MEGF10: variants seen among roughly 807,000 people sequenced by gnomAD.
MEGF10 encodes multiple EGF like domains 10, also known as multiple epidermal growth factor-like domains protein 10.
MEGF10 carries 86 observed loss-of-function variants against 147.5 expected under a neutral mutation model. The observed-to-expected ratio is 0.58, with a 90% confidence interval of 0.49 to 0.70. The LOEUF (loss-of-function observed/expected upper bound fraction) is 0.70, where lower values mean the gene tolerates loss of function less well. MEGF10 is among the 30% of genes least tolerant of loss of function. MEGF10 has a pLI of 0.00. For synonymous variants in MEGF10, 478 were observed against 525.5 expected (o/e 0.91, Z 1.24); for missense variants, 1,329 against 1,487.3 (o/e 0.89, Z 1.75).
At chr5:127,238,011 CAG>C in the MEGF10 span, among the ~76,000 whole-genome samples, 1 of 148,066 alleles carries the variant, frequency 6.8e-6, no homozygotes. Flanking sequence ...ATGTTTTTAA[CAG>C]GGTATAAACT....
the MEGF10 span, among the ~76,000 whole-genome samples, chr5:127,271,353 G>A: frequency 6.6e-6 from 1 of 151,474 alleles, no homozygotes; most frequent in African/African-American, 2.4e-5. Context: ...CCACATGTAT[G>A]TCTTCTTTTC....
At chr5:127,379,064 C>CTTTT (rs35798578) in intron 5 of MEGF10, among the ~76,000 whole-genome samples, 1 of 121,474 alleles carries the variant, frequency 8.2e-6, no homozygotes, top group African/African-American at 3.0e-5. Flanking sequence ...ATTGATTTTT[C>CTTTT]TTTTTTTTTT....
At chr5:127,244,232 A>G in the MEGF10 span, among the ~76,000 whole-genome samples, 4 of 150,324 alleles carry the variant, frequency 2.7e-5, no homozygotes, top group Non-Finnish European at 5.9e-5. Context: ...TCCAGAATGT[A>G]GGGCATAAAT....
chr5:127,417,944 A>G (rs1764839718), intron 10 of MEGF10, 132 bp downstream of exon 10: 1 of 934,650 alleles, frequency 1.1e-6, no homozygotes, highest in Non-Finnish European at 1.5e-6. Context: ...AGAGAGAGAG[A>G]AAATGAGGGG....
At chr5:127,382,574 T>A (rs1042759589) in intron 5 of MEGF10, among the ~76,000 whole-genome samples, 5 of 152,210 alleles carry the variant, frequency 3.3e-5, no homozygotes, top group Admixed American at 6.5e-5. Context: ...GATTTATCCA[T>A]GCCTTAAATT....
At chr5:127,391,587 A>G (rs372791320) in intron 5 of MEGF10, among the ~76,000 whole-genome samples, 15 of 151,720 alleles carry the variant, frequency 9.9e-5, no homozygotes, top group South Asian at 2.1e-4. Flanking sequence ...AAAAAAAAAA[A>G]AGAGAGTGCT....
At chr5:127,435,213 C>A in intron 15 of MEGF10, 148 bp from the exon 16 acceptor site, 1 of 910,764 alleles carries the variant, frequency 1.1e-6, no homozygotes, top group Non-Finnish European at 1.6e-6. Context: ...AAAATGAGCC[C>A]ATTCAAGATG....
chr5:127,306,925 A>G (rs1025243558), intron 1 of MEGF10, among the ~76,000 whole-genome samples: 3 of 152,168 alleles, frequency 2.0e-5, no homozygotes, highest in African/African-American at 7.2e-5. Context: ...CTGCTTTTAG[A>G]ATTGCATTAA....
At chr5:127,299,307 G>T (rs144768865) in intron 1 of MEGF10, among the ~76,000 whole-genome samples, 124 of 152,260 alleles carry the variant, frequency 8.1e-4, no homozygotes, top group African/African-American at 2.5e-3. Flanking sequence ...TTCCCTTCCA[G>T]ATCTAGATAG....
intron 1 of MEGF10, among the ~76,000 whole-genome samples, chr5:127,316,140 C>A (rs781525675): frequency 6.6e-6 from 1 of 152,222 alleles, no homozygotes; most frequent in Non-Finnish European, 1.5e-5. Flanking sequence ...TGCCATTGCA[C>A]CTTTGCTCTG....
intron 13 of MEGF10, among the ~76,000 whole-genome samples, chr5:127,430,560 C>G (rs1765358422): frequency 6.6e-6 from 1 of 152,194 alleles, no homozygotes; most frequent in Admixed American, 6.5e-5. Flanking sequence ...TTCTTAGGCT[C>G]TTAGAATGCA....
Position 127,396,554 on chromosome 5 carries a change from T to TC in MEGF10, c.439dup (p.His147ProfsTer37). The TC allele has an allele frequency of 6.4e-7, 1 of 1,566,748 alleles. No homozygotes were observed. Among genetic ancestry groups the TC allele is most frequent in the Non-Finnish European group, 8.7e-7 (1 of 1,152,650 alleles). ...CAGCCTGCGATGGTGATCACTGGGG[T>TC]CCCCACTGCACCAGCCGGTGCCAGT... is the stretch of plus-strand genomic sequence containing the variant. On this transcript the variant is annotated frameshift_variant, in exon 6 of 25. Coordinates refer to ENST00000503335, the MANE Select transcript of MEGF10 (RefSeq NM_001256545.2). LOFTEE classifies it high-confidence loss of function.
chr5:127,260,323 T>C, the MEGF10 span, among the ~76,000 whole-genome samples: 6 of 152,160 alleles, frequency 3.9e-5, no homozygotes, highest in Non-Finnish European at 7.3e-5. Context: ...CCTGTCACCT[T>C]TGTTCTTAAG....
At chr5:127,400,160 A>G (rs764742388) in intron 7 of MEGF10, among the ~76,000 whole-genome samples, 19 of 152,204 alleles carry the variant, frequency 1.2e-4, no homozygotes, top group Non-Finnish European at 2.5e-4. Flanking sequence ...TGGGACAAGT[A>G]TACAATAAAA....
At chr5:127,382,717 T>C (rs201929680) in intron 5 of MEGF10, among the ~76,000 whole-genome samples, 3 of 152,166 alleles carry the variant, frequency 2.0e-5, no homozygotes, top group East Asian at 3.8e-4. Context: ...CAAATGATTA[T>C]TTATAAAATA....
At chr5:127,277,064 A>G in the MEGF10 span, among the ~76,000 whole-genome samples, 11 of 152,196 alleles carry the variant, frequency 7.2e-5, no homozygotes, top group Non-Finnish European at 1.3e-4. Context: ...TGAAGTATAG[A>G]GCAAGAGGAG....
At chr5:127,273,527 A>C in the MEGF10 span, among the ~76,000 whole-genome samples, 1 of 152,178 alleles carries the variant, frequency 6.6e-6, no homozygotes, top group Non-Finnish European at 1.5e-5. Flanking sequence ...CTAACTCTTA[A>C]GCCTTATGTA....
chr5:127,430,385 A>G (rs553800528), intron 13 of MEGF10, among the ~76,000 whole-genome samples: 13 of 152,336 alleles, frequency 8.5e-5, no homozygotes, highest in Non-Finnish European at 8.8e-5. Flanking sequence ...AATAATGGTT[A>G]AAGCAAAACT....
chr5:127,451,996 C>T (rs533547553), intron 22 of MEGF10, among the ~76,000 whole-genome samples: 5 of 152,278 alleles, frequency 3.3e-5, no homozygotes, highest in East Asian at 3.9e-4. Flanking sequence ...ACCCTTGATT[C>T]GTTCATTTGT....
Sources: allele counts gnomAD v4.1 joint callset (sites outside exome capture counted in the v4.1 genomes callset), GRCh38; gene constraint gnomAD v4.1.1; transcripts MANE v1.5; gene names NCBI Gene and HGNC (gene_info 2026-07-23, HGNC 2026-07-21).